The following RHOD variants were observed in gnomAD, a reference collection of about 807,000 sequenced individuals.
RHOD encodes ras homolog family member D, also known as rho-related GTP-binding protein RhoD.
A neutral mutation model predicts 16.7 loss-of-function variants in RHOD; 11 were observed. That is an observed-to-expected ratio of 0.66 (90% confidence interval 0.41 to 1.09). RHOD has a LOEUF of 1.09. Among genes scored for constraint, RHOD ranks in the 50% least tolerant of loss-of-function variants. The pLI is 0.00. For synonymous variants in RHOD, 124 were observed against 126.3 expected (o/e 0.98, Z 0.12); for missense variants, 271 against 291.7 (o/e 0.93, Z 0.52).
At chr11:67,058,843 CCAGT>C (rs1462458486) in intron 1 of RHOD, among the ~76,000 whole-genome samples, 1 of 152,156 alleles carries the variant, frequency 6.6e-6, no homozygotes, top group East Asian at 1.9e-4. Context: ...CCTCCTTTGA[CCAGT>C]CATACATTTT....
intron 3 of RHOD, among the ~76,000 whole-genome samples, chr11:67,070,087 T>C (rs1343874074): frequency 1.3e-5 from 2 of 152,146 alleles, no homozygotes; most frequent in Non-Finnish European, 2.9e-5. Flanking sequence ...GGAAAGATTC[T>C]AGAACGGCAG....
At chr11:67,070,971 C>T (rs1331579372) in intron 4 of RHOD, among the ~76,000 whole-genome samples, 2 of 151,980 alleles carry the variant, frequency 1.3e-5, no homozygotes, top group South Asian at 2.1e-4. Flanking sequence ...CAGGGGCTCA[C>T]GCCTGTAATC....
chr11:67,057,134 C>A, intron 1 of RHOD, 100 bp downstream of exon 1: 1 of 1,294,762 alleles, frequency 7.7e-7, no homozygotes, highest in Non-Finnish European at 9.8e-7. Flanking sequence ...ACCCGGCCTC[C>A]GAGGGGTGTC....
intron 1 of RHOD, among the ~76,000 whole-genome samples, chr11:67,060,481 G>C (rs986877732): frequency 2.6e-5 from 4 of 152,192 alleles, no homozygotes; most frequent in African/African-American, 9.7e-5. Flanking sequence ...CGTCCCGAGT[G>C]GGGGAAAGGG....
At position 67,056,998 on chromosome 11, in the gene RHOD, G is replaced by T; in HGVS notation, c.96G>T (p.Ser32=). Residue 32 remains serine (S), a synonymous_variant, in exon 1 of 5, where the codon TCG becomes TCT. Coordinates refer to ENST00000308831, the MANE Select transcript of RHOD (RefSeq NM_014578.4). ...GCGACGGCGGCTGCGGGAAGACGTC[G>T]CTGCTGATGGTCTTCGCCGATGGGG... ...LVGDGGCGKT[S]LLMVFADGAF... 1 of 1,508,298 alleles carries T rather than the reference G, an allele frequency of 6.6e-7. No individual in the cohort carries two copies. Among genetic ancestry groups the T allele is most frequent in the Non-Finnish European group, 8.8e-7 (1 of 1,138,360 alleles). 93.4% of individuals were successfully genotyped at this position (1,508,298 alleles called of 1,614,324 possible). A position where few individuals can be genotyped will look rare whatever the true frequency, so the allele number is the denominator to read the frequency against.
At chr11:67,063,512 A>T (rs1854917513) in intron 1 of RHOD, among the ~76,000 whole-genome samples, 1 of 145,960 alleles carries the variant, frequency 6.9e-6, no homozygotes, top group East Asian at 2.1e-4. Flanking sequence ...TTTTTTTAAA[A>T]AAAGGCCAGG....
In RHOD at chr11:67,071,487, C is replaced by A; in HGVS notation, c.518C>A (p.Ala173Asp). 6.2e-7 allele frequency: 1 copy of A among 1,610,166 alleles called. No individual in the cohort carries two copies. Among genetic ancestry groups the A allele is most frequent in the South Asian group, 1.1e-5 (1 of 90,992 alleles). ...VGAVAYLECS[A>D]RLHDNVHAVF... ...GCGGTGGCCTACCTCGAGTGCTCGG[C>A]TCGGCTCCATGACAACGTCCACGCC... Residue 173 changes from alanine to aspartate, a missense_variant, in exon 5 of 5, where the codon GCT (alanine) becomes GAT (aspartate). Ala to Asp is a moderately radical substitution (Grantham distance 126). Transcript: ENST00000308831.
Position 67,071,829 on chromosome 11 carries a change from C to A in RHOD, c.*227C>A, listed in dbSNP as rs937942166. ...TCCTGCGGTGCCCGAGAATCACTCGCTAACCCCTATGCCCGGTCCCGGACC... is the reference window on the plus strand; with the variant it reads ...TCCTGCGGTGCCCGAGAATCACTCGATAACCCCTATGCCCGGTCCCGGACC... On this transcript the variant is annotated 3_prime_UTR_variant, in exon 5 of 5. Transcript: ENST00000308831. 22 of 491,112 alleles carry A rather than the reference C, an allele frequency of 4.5e-5. No individual in the cohort carries two copies. Among genetic ancestry groups the A allele is most frequent in the Admixed American group, 1.1e-4 (3 of 26,196 alleles). 30.4% of individuals were successfully genotyped at this position (491,112 alleles called of 1,614,324 possible).
chr11:67,063,271 G>T (rs575830133), intron 1 of RHOD, among the ~76,000 whole-genome samples: 4 of 151,838 alleles, frequency 2.6e-5, no homozygotes, highest in African/African-American at 9.7e-5. Context: ...TGGGTGGATT[G>T]CTTGAGTTCA....
rs778555551 is a variant in RHOD, at chr11:67,071,584, C to CT, written c.619dup (p.Cys207LeufsTer24). The CT allele has an allele frequency of 1.9e-6, 3 of 1,608,232 alleles. No homozygotes were observed. Among genetic ancestry groups the CT allele is most frequent in the Admixed American group, 1.7e-5 (1 of 59,480 alleles). ...ACTTCTGGCGGCGGATTACCCAGGG[C>CT]TTTTGCGTGGTGACCTGAGCGGCTC... On this transcript the variant is annotated frameshift_variant, in exon 5 of 5. Transcript: ENST00000308831. LOFTEE classifies it high-confidence loss of function.
At chr11:67,058,898 G>A (rs901406427) in intron 1 of RHOD, among the ~76,000 whole-genome samples, 8 of 152,236 alleles carry the variant, frequency 5.3e-5, no homozygotes, top group African/African-American at 1.9e-4. Flanking sequence ...CCTAGATGCT[G>A]CCCATGGGAA....
chr11:67,057,808 ACAGG>A (rs1370064304), intron 1 of RHOD, among the ~76,000 whole-genome samples: 6 of 152,164 alleles, frequency 3.9e-5, no homozygotes, highest in Admixed American at 3.9e-4. Context: ...GGGGAGGCTG[ACAGG>A]CAGCTCCCGT....
rs1855032822 is a variant in RHOD at position 67,071,645 on chromosome 11, T to C, written c.*43T>C. 2 of 1,518,036 alleles carry C rather than the reference T, an allele frequency of 1.3e-6. No homozygotes were observed. Among genetic ancestry groups the C allele is most frequent in the Admixed American group, 2.0e-5 (1 of 50,042 alleles). 94.0% of individuals were successfully genotyped at this position (1,518,036 alleles called of 1,614,324 possible). A position where few individuals can be genotyped will look rare whatever the true frequency, so the allele number is the denominator to read the frequency against. ...AGCGACGCGGGAAGGGGCAGGGCGC[T>C]GACCTGCTGCTGAGCTGGCTGGGCT... On this transcript the variant is annotated 3_prime_UTR_variant, in exon 5 of 5. Transcript: ENST00000308831.
At chr11:67,065,378 CGTTGTT>C (rs779360331) in intron 1 of RHOD, among the ~76,000 whole-genome samples, 21 of 151,734 alleles carry the variant, frequency 1.4e-4, no homozygotes, top group African/African-American at 3.6e-4. Flanking sequence ...CCGGCCTTTT[CGTTGTT>C]GTTGTTGTTG....
Position 67,066,775 on chromosome 11 carries a change from C to T in RHOD, c.258C>T (p.Tyr86=). 6.2e-7 allele frequency: 1 copy of T among 1,613,998 alleles called. No homozygotes were observed. Among genetic ancestry groups the T allele is most frequent in the Non-Finnish European group, 8.5e-7 (1 of 1,179,864 alleles). The part of the protein sequence containing the change: ...DDYDRLRPLF[Y]PDASVLLLCF... Reference sequence around the variant, plus strand: ...ATGACCGCCTGCGGCCCCTGTTCTACCCTGACGCCAGCGTCCTGCTGCTTT... The same window carrying T: ...ATGACCGCCTGCGGCCCCTGTTCTATCCTGACGCCAGCGTCCTGCTGCTTT... Residue 86 remains tyrosine, a synonymous_variant, in exon 3 of 5, where the codon TAC becomes TAT. Transcript: ENST00000308831.
chr11:67,070,557 A>C lies in RHOD; in HGVS notation c.463A>C (p.Arg155=), dbSNP rs1855017447. The change falls in exon 4 of 5, where the codon AGG becomes CGG. Residue 155 remains arginine (R), a splice_region_variant and synonymous_variant. Transcript: ENST00000308831. ...RNGLEPVTYH[R]GQEMARSVGA... ...CGGATTGGAGCCTGTGACCTACCAC[A>C]GGGTAGGAAACCCAGCCCGAGGTGG... 6.2e-7 allele frequency: 1 copy of C among 1,614,050 alleles called. No homozygotes were observed. The highest frequency in any genetic ancestry group is 2.2e-5 in the East Asian group (1 of 44,878).
intron 3 of RHOD, among the ~76,000 whole-genome samples, chr11:67,068,555 G>A (rs535106356): frequency 3.2e-4 from 48 of 152,284 alleles, no homozygotes; most frequent in African/African-American, 1.1e-3. Flanking sequence ...CTCACGCCTT[G>A]TAATCCCAGC....
At chr11:67,058,301 G>A (rs781755761) in intron 1 of RHOD, among the ~76,000 whole-genome samples, 52 of 152,166 alleles carry the variant, frequency 3.4e-4, no homozygotes, top group Non-Finnish European at 5.6e-4. Context: ...TCAGCCTCCC[G>A]AGTAGCTGGG....
intron 2 of RHOD, among the ~76,000 whole-genome samples, 200 bp downstream of exon 2, chr11:67,066,183 C>T (rs567920095): frequency 8.5e-5 from 13 of 152,208 alleles, no homozygotes; most frequent in East Asian, 1.9e-4. Context: ...ACCCCAGGGC[C>T]GCCCGCTACG....
Sources: gnomAD v4.1 joint callset for allele counts (sites outside exome capture counted in the v4.1 genomes callset) on GRCh38, gnomAD v4.1.1 for gene constraint, MANE v1.5 for transcripts, NCBI Gene and HGNC (gene_info 2026-07-23, HGNC 2026-07-21) for gene names.